The following KCNQ3 variants were observed in gnomAD, a reference collection of about 807,000 sequenced individuals.
KCNQ3 encodes potassium voltage-gated channel subfamily Q member 3, also known as potassium voltage-gated channel subfamily KQT member 3.
In KCNQ3, 30 loss-of-function variants were observed where a neutral mutation model predicts 92.5. The ratio of observed to expected loss-of-function variants is 0.32; its 90% CI spans 0.24 to 0.44. The LOEUF is 0.44. Ranked by LOEUF, KCNQ3 falls within the 20% of genes least tolerant of loss-of-function variation. The probability of loss-of-function intolerance (pLI) is 1.00; values close to 1 mark genes in which losing one functional copy is unlikely to be tolerated. For synonymous variants in KCNQ3, 450 were observed against 468.8 expected (o/e 0.96, Z 0.52); for missense variants, 913 against 1,140.3 (o/e 0.80, Z 2.87).
intron 6 of KCNQ3, among the ~76,000 whole-genome samples, chr8:132,174,000 C>G (rs1478382310): frequency 6.6e-6 from 1 of 152,088 alleles, no homozygotes; most frequent in Non-Finnish European, 1.5e-5. Context: ...ATGCCCAGAG[C>G]GACTAGCTCA....
intron 9 of KCNQ3, among the ~76,000 whole-genome samples, chr8:132,147,092 C>G (rs1442799924): frequency 1.3e-5 from 2 of 152,112 alleles, no homozygotes; most frequent in African/African-American, 4.8e-5. Flanking sequence ...GCAAAAACAA[C>G]AGAGAGAGAC....
At chr8:132,136,120 A>C (rs1229825328) in intron 12 of KCNQ3, among the ~76,000 whole-genome samples, 1 of 75,326 alleles carries the variant, frequency 1.3e-5, no homozygotes, top group African/African-American at 3.6e-5. Context: ...CTCCATCTCA[A>C]AAAAAAAAAA....
At chr8:132,180,640 T>C (rs946711283) in intron 3 of KCNQ3, among the ~76,000 whole-genome samples, 11 of 152,038 alleles carry the variant, frequency 7.2e-5, no homozygotes, top group African/African-American at 2.7e-4. Flanking sequence ...CGCAGTGTGG[T>C]CCTTGAGATT....
At chr8:132,260,275 C>T (rs181133977) in intron 1 of KCNQ3, among the ~76,000 whole-genome samples, 34 of 152,180 alleles carry the variant, frequency 2.2e-4, no homozygotes, top group Admixed American at 7.2e-4. Flanking sequence ...TCTAAGCTTT[C>T]GGGCTAGAAG....
In KCNQ3 at chr8:132,455,391, G is replaced by A. The variant is rs140168672; in HGVS notation, c.386+24756C>T. On this transcript the variant is annotated intron_variant, in intron 1 of 14. Transcript: ENST00000388996. Reference sequence around the variant, plus strand: ...CAAAGTGCTGGGATTATAGGCGTAAGCCACTGCACCTGGCCATTAAAATGG... The same window carrying A: ...CAAAGTGCTGGGATTATAGGCGTAAACCACTGCACCTGGCCATTAAAATGG... 8.5e-3 allele frequency among the ~76,000 whole-genome samples: 1,287 copies of A among 152,232 alleles called. 7 individuals are homozygous for A. Among genetic ancestry groups the A allele is most frequent in the Middle Eastern group, 0.014 (4 of 294 alleles).
chr8:132,479,554 A>C (rs1287459691), intron 1 of KCNQ3, among the ~76,000 whole-genome samples: 2 of 151,996 alleles, frequency 1.3e-5, no homozygotes, highest in Non-Finnish European at 2.9e-5. Context: ...GGCCAGTCCC[A>C]GCTCCCAGTC....
chr8:132,211,085 C>A (rs1229241647), intron 1 of KCNQ3, among the ~76,000 whole-genome samples: 1 of 152,214 alleles, frequency 6.6e-6, no homozygotes, highest in Non-Finnish European at 1.5e-5. Context: ...CCATGTACTC[C>A]TTGAGCCTAC....
At chr8:132,375,894 C>T (rs1223046615) in intron 1 of KCNQ3, among the ~76,000 whole-genome samples, 2 of 152,336 alleles carry the variant, frequency 1.3e-5, no homozygotes, top group African/African-American at 2.4e-5. Context: ...CTTCGCATGT[C>T]ATTCGTCATG....
intron 1 of KCNQ3, among the ~76,000 whole-genome samples, chr8:132,314,922 C>T (rs1321479142): frequency 6.6e-6 from 1 of 152,136 alleles, no homozygotes; most frequent in African/African-American, 2.4e-5. Context: ...AGAAAAACAA[C>T]AACAACCATA....
intron 1 of KCNQ3, among the ~76,000 whole-genome samples, chr8:132,390,881 CA>C (rs1820032995): frequency 6.6e-6 from 1 of 152,190 alleles, no homozygotes; most frequent in Non-Finnish European, 1.5e-5. Flanking sequence ...GGGGTCAACA[CA>C]ATTCCAAATA....
At chr8:132,306,363 A>G (rs560588124) in intron 1 of KCNQ3, among the ~76,000 whole-genome samples, 15 of 152,300 alleles carry the variant, frequency 9.8e-5, no homozygotes, top group African/African-American at 3.6e-4. Context: ...TCCCTCTAAG[A>G]AAAACTTGGC....
intron 1 of KCNQ3, among the ~76,000 whole-genome samples, chr8:132,190,302 G>A (rs1827120594): frequency 6.6e-6 from 1 of 152,092 alleles, no homozygotes. Flanking sequence ...AGCAGAACCT[G>A]TGACTTGCTT....
At chr8:132,466,295 G>A (rs555506581) in intron 1 of KCNQ3, among the ~76,000 whole-genome samples, 7 of 151,792 alleles carry the variant, frequency 4.6e-5, no homozygotes, top group South Asian at 4.2e-4. Context: ...AAGAATCACC[G>A]AGAAAACAGA....
chr8:132,158,958 C>T (rs967097884), intron 9 of KCNQ3, among the ~76,000 whole-genome samples: 1 of 152,086 alleles, frequency 6.6e-6, no homozygotes, highest in Non-Finnish European at 1.5e-5. Context: ...GGAGAAGATT[C>T]CTGAAGGCTG....
chr8:132,301,370 G>A (rs1470814247), intron 1 of KCNQ3, among the ~76,000 whole-genome samples: 1 of 152,016 alleles, frequency 6.6e-6, no homozygotes, highest in Non-Finnish European at 1.5e-5. Context: ...CACCCTCCCT[G>A]CCTGTCATAC....
chr8:132,471,071 G>C (rs186828057), intron 1 of KCNQ3, among the ~76,000 whole-genome samples: 14 of 152,176 alleles, frequency 9.2e-5, no homozygotes, highest in Admixed American at 2.6e-4. Flanking sequence ...CTTTTTGTTT[G>C]GGTGATTTAC....
chr8:132,154,193 G>GTTTTTTTTTTTTTTTTTTTTT lies in KCNQ3; in HGVS notation c.1262+9254_1262+9274dup, dbSNP rs869112851. On this transcript the variant is annotated intron_variant, in intron 9 of 14. Coordinates refer to ENST00000388996, the MANE Select transcript of KCNQ3 (RefSeq NM_004519.4). ...CTGATGTACCATCAAAAGGGTAAAA[G>GTTTTTTTTTTTTTTTTTTTTT]TTTTTTTTTTTTTTTTTTTTTTTTT... Among the ~76,000 whole-genome samples the GTTTTTTTTTTTTTTTTTTTTT allele has an allele frequency of 2.4e-3, 66 of 27,436 alleles. 5 individuals carry two copies. Among genetic ancestry groups the GTTTTTTTTTTTTTTTTTTTTT allele is most frequent in the East Asian group, 5.9e-3 (5 of 842 alleles). 18.0% of individuals were successfully genotyped at this position (27,436 alleles called of 152,430 possible).
chr8:132,254,601 G>T (rs753898689), intron 1 of KCNQ3, among the ~76,000 whole-genome samples: 17 of 152,098 alleles, frequency 1.1e-4, no homozygotes, highest in Non-Finnish European at 1.8e-4. Context: ...AATGAATGAG[G>T]CCATGTATGG....
chr8:132,172,749 C>G (rs553463608), intron 6 of KCNQ3, 56 bp from the exon 7 acceptor site: 11 of 1,272,996 alleles, frequency 8.6e-6, no homozygotes, highest in Non-Finnish European at 1.3e-5. Context: ...CCAGCATTCC[C>G]GCTCCATTGC....
Sources: gnomAD v4.1 joint callset for allele counts (sites outside exome capture counted in the v4.1 genomes callset) on GRCh38, gnomAD v4.1.1 for gene constraint, MANE v1.5 for transcripts, NCBI Gene and HGNC (gene_info 2026-07-23, HGNC 2026-07-21) for gene names.